TRDN: variants seen among roughly 807,000 people sequenced by gnomAD.
TRDN encodes the protein triadin, also known as triadin in skeletal muscle.
A neutral mutation model predicts 149.7 loss-of-function variants in TRDN; 161 were observed. The ratio of observed to expected loss-of-function variants is 1.08; its 90% CI spans 0.95 to 1.23. TRDN has a LOEUF of 1.23. Among genes scored for constraint, TRDN ranks in the 50% most tolerant of loss-of-function variants. The probability of loss-of-function intolerance (pLI) is 0.00; values close to 1 mark genes in which losing one functional copy is unlikely to be tolerated. For missense variants in TRDN, 896 were observed against 823.5 expected, an observed-to-expected ratio of 1.09 and a Z score of -1.08; for synonymous variants, 294 against 250.5, an observed-to-expected ratio of 1.17 and a Z score of -1.64.
intron 1 of TRDN, among the ~76,000 whole-genome samples, chr6:123,577,543 G>A (rs568961152): frequency 3.9e-5 from 6 of 151,990 alleles, no homozygotes; most frequent in East Asian, 1.9e-4. Context: ...TATTTAATCC[G>A]TCATTGGTGG....
rs574834630 is a variant in TRDN at position 123,400,862 on chromosome 6, T to G, written c.1052-7185A>C. ...CACCACTTTTATCTCCTTACCCAATTTGGAAATGTTATAAACAAACAGAAT... is the reference window on the plus strand; with the variant it reads ...CACCACTTTTATCTCCTTACCCAATGTGGAAATGTTATAAACAAACAGAAT... On this transcript the variant is annotated intron_variant, in intron 12 of 40. Transcript: ENST00000334268. 4.6e-5 allele frequency among the ~76,000 whole-genome samples: 7 copies of G among 152,300 alleles called. No homozygotes were observed. The South Asian group carries it at 1.5e-3, about 32-fold the overall frequency.
At chr6:123,279,190 G>A in intron 24 of TRDN, 108 bp from the exon 25 acceptor site, 1 of 856,916 alleles carries the variant, frequency 1.2e-6, no homozygotes, top group Non-Finnish European at 1.7e-6. Context: ...AAACAATGTA[G>A]ACCCCACCTA....
intron 12 of TRDN, among the ~76,000 whole-genome samples, chr6:123,421,431 G>T (rs1773894566): frequency 6.6e-6 from 1 of 151,960 alleles, no homozygotes; most frequent in South Asian, 2.1e-4. Context: ...TTATCCAGTT[G>T]TGCCCACAAA....
chr6:123,316,859 T>G lies in TRDN; in HGVS notation c.1472-364A>C, dbSNP rs1053580057. ...TGCTCAGAAGAAAAACGTCATAAATTTTCCTAATTTGACCAACTTAAGCAA... is the reference window on the plus strand; with the variant it reads ...TGCTCAGAAGAAAAACGTCATAAATGTTCCTAATTTGACCAACTTAAGCAA... On this transcript the variant is annotated intron_variant, in intron 23 of 40. Coordinates refer to ENST00000334268, the MANE Select transcript of TRDN (RefSeq NM_006073.4). Among the ~76,000 whole-genome samples, 9 of 151,782 alleles carry G rather than the reference T, an allele frequency of 5.9e-5. No individual in the cohort carries two copies. In the South Asian group the frequency reaches 6.2e-4, roughly 10 times the overall value.
At chr6:123,274,528 GGA>G in intron 27 of TRDN, 111 bp downstream of exon 27, 5 of 884,720 alleles carry the variant, frequency 5.7e-6, no homozygotes, top group Non-Finnish European at 8.4e-6. Flanking sequence ...AAAATAATGA[GGA>G]ACTTGGAGAC....
intron 3 of TRDN, 71 bp from the exon 4 acceptor site, chr6:123,547,443 TCC>T: frequency 1.1e-6 from 1 of 887,130 alleles, no homozygotes; most frequent in Non-Finnish European, 1.6e-6. Context: ...ATCATTATTT[TCC>T]CCTTTTGTTT....
intron 24 of TRDN, among the ~76,000 whole-genome samples, chr6:123,301,171 T>A (rs968747693): frequency 6.6e-6 from 1 of 152,022 alleles, no homozygotes; most frequent in Non-Finnish European, 1.5e-5. Context: ...TTTTCCACCT[T>A]TCCTCCTACC....
chr6:123,511,023 G>A (rs1779159978), intron 7 of TRDN, among the ~76,000 whole-genome samples: 1 of 152,088 alleles, frequency 6.6e-6, no homozygotes, highest in African/African-American at 2.4e-5. Flanking sequence ...GGTTACCTAT[G>A]CTTTTGAGGT....
At chr6:123,629,269 G>A (rs114515157) in intron 1 of TRDN, among the ~76,000 whole-genome samples, 7 of 152,042 alleles carry the variant, frequency 4.6e-5, no homozygotes, top group South Asian at 2.1e-4. Context: ...TATTTTGAAC[G>A]TCTGTATAAA....
intron 1 of TRDN, among the ~76,000 whole-genome samples, chr6:123,597,174 A>G (rs1252011298): frequency 6.6e-6 from 1 of 152,076 alleles, no homozygotes; most frequent in Non-Finnish European, 1.5e-5. Flanking sequence ...TTAACAGTTG[A>G]TTCCAACCCT....
At chr6:123,490,923 T>C (rs902267056) in intron 9 of TRDN, among the ~76,000 whole-genome samples, 15 of 151,932 alleles carry the variant, frequency 9.9e-5, no homozygotes, top group African/African-American at 3.6e-4. Flanking sequence ...GCCAACATGG[T>C]GAAATCCCGT....
chr6:123,452,461 G>C (rs1466083515), intron 10 of TRDN, among the ~76,000 whole-genome samples: 1 of 150,916 alleles, frequency 6.6e-6, no homozygotes, highest in Middle Eastern at 3.2e-3. Context: ...CAACAACCAA[G>C]CAGAAAATTA....
chr6:123,478,697 C>A (rs751114027), intron 9 of TRDN, among the ~76,000 whole-genome samples: 3 of 152,248 alleles, frequency 2.0e-5, no homozygotes, highest in Middle Eastern at 6.8e-3. Context: ...ATGCAATGTC[C>A]TAACTTGCCA....
intron 37 of TRDN, among the ~76,000 whole-genome samples, chr6:123,253,884 G>A (rs1776462921): frequency 6.6e-6 from 1 of 152,102 alleles, no homozygotes; most frequent in Non-Finnish European, 1.5e-5. Context: ...GCTGTGATTG[G>A]CAGAAAACTT....
At chr6:123,230,591 G>T (rs1008249242) in intron 38 of TRDN, among the ~76,000 whole-genome samples, 2 of 151,222 alleles carry the variant, frequency 1.3e-5, no homozygotes, top group African/African-American at 4.9e-5. Context: ...TTCTAAATTT[G>T]GATAATTGGA....
chr6:123,574,097 T>C (rs1378492826), intron 1 of TRDN, among the ~76,000 whole-genome samples: 2 of 152,040 alleles, frequency 1.3e-5, no homozygotes. Context: ...AATTAGTTTT[T>C]TAGTTATTTT....
chr6:123,394,584 A>T (rs1772643055), intron 12 of TRDN, among the ~76,000 whole-genome samples: 1 of 152,150 alleles, frequency 6.6e-6, no homozygotes, highest in Non-Finnish European at 1.5e-5. Flanking sequence ...TAGTTGATTC[A>T]CATATATATT....
intron 1 of TRDN, among the ~76,000 whole-genome samples, chr6:123,629,103 C>A (rs994527178): frequency 1.3e-5 from 2 of 152,010 alleles, no homozygotes; most frequent in African/African-American, 4.8e-5. Flanking sequence ...ATAATAGCTC[C>A]AGCAGTGAAT....
At chr6:123,483,065 A>ATTT (rs1326762486) in intron 9 of TRDN, among the ~76,000 whole-genome samples, 251 of 121,140 alleles carry the variant, frequency 2.1e-3, no homozygotes, top group African/African-American at 5.1e-3. Context: ...TTGATTTCTC[A>ATTT]TTTATTATTA....
Sources: gnomAD v4.1 joint callset for allele counts (sites outside exome capture counted in the v4.1 genomes callset) on GRCh38, gnomAD v4.1.1 for gene constraint, MANE v1.5 for transcripts, NCBI Gene and HGNC (gene_info 2026-07-23, HGNC 2026-07-21) for gene names.